Variants in TMEM232 observed in about 807,000 individuals in gnomAD.
The protein encoded by TMEM232 is transmembrane protein 232.
In TMEM232, 80 loss-of-function variants were observed where a neutral mutation model predicts 78.8. The ratio of observed to expected loss-of-function variants is 1.01; its 90% CI spans 0.85 to 1.22. TMEM232 has a LOEUF of 1.22. TMEM232 is among the 50% of genes most tolerant of loss of function. The pLI, the probability that TMEM232 is intolerant of heterozygous loss-of-function variation, is 0.00. For synonymous variants in TMEM232, 297 were observed against 254.3 expected, an observed-to-expected ratio of 1.17 and a Z score of -1.60; for missense variants, 881 against 742.2, an observed-to-expected ratio of 1.19 and a Z score of -2.17.
At chr5:110,668,771 A>C (rs1790949652) in intron 1 of TMEM232, among the ~76,000 whole-genome samples, 1 of 152,176 alleles carries the variant, frequency 6.6e-6, no homozygotes, top group Non-Finnish European at 1.5e-5. Flanking sequence ...AAATTATAAC[A>C]AACTGTCTCG....
rs965161922 is a variant in TMEM232 at position 110,424,991 on chromosome 5, A to C, written c.1704-75T>G. 133 of 1,030,444 alleles carry C rather than the reference A, an allele frequency of 1.3e-4. No homozygotes were observed. The African/African-American group carries it at 2.0e-3, about 15-fold the overall frequency. The allele number at this position is 1,030,444 out of a possible 1,614,324, so 63.8% of individuals were successfully genotyped here. On this transcript the variant is annotated intron_variant, in intron 12 of 13. Coordinates refer to ENST00000455884, the MANE Select transcript of TMEM232 (RefSeq NM_001039763.4). ...TTCCCCAGAAATAGAATTGTAACTAAGCCATAATTTATTATTAAGCATTTT... is the reference window on the plus strand; with the variant it reads ...TTCCCCAGAAATAGAATTGTAACTACGCCATAATTTATTATTAAGCATTTT...
chr5:110,731,780 C>T (rs1173419072), intron 2 of TMEM232, among the ~76,000 whole-genome samples: 1 of 152,184 alleles, frequency 6.6e-6, no homozygotes, highest in Non-Finnish European at 1.5e-5. Context: ...TGAAAGTCTC[C>T]AACATGGCCT....
intron 8 of TMEM232, among the ~76,000 whole-genome samples, chr5:110,612,287 T>C (rs148518140): frequency 3.9e-5 from 6 of 152,294 alleles, no homozygotes; most frequent in Non-Finnish European, 8.8e-5. Context: ...TTTTTCGCTG[T>C]ATGATAATGT....
rs1002721904 is a variant in TMEM232, at chr5:110,468,687, A to G, written c.1704-43771T>C. ...AAATTTACCAGTTTAATAAAATTAT[A>G]TAATCATCTTAATAGATGAATGAAC... On this transcript the variant is annotated intron_variant, in intron 12 of 13. Transcript: ENST00000455884. Among the ~76,000 whole-genome samples the G allele has an allele frequency of 3.9e-5, 6 of 152,332 alleles. No homozygotes were observed. The East Asian group carries it at 7.7e-4, about 20-fold the overall frequency.
chr5:110,477,498 T>C (rs569144696), intron 12 of TMEM232, among the ~76,000 whole-genome samples: 1 of 152,056 alleles, frequency 6.6e-6, no homozygotes, highest in East Asian at 1.9e-4. Flanking sequence ...TTATGTTTTA[T>C]CTGTCAGCAA....
intron 1 of TMEM232, among the ~76,000 whole-genome samples, chr5:110,704,902 A>G (rs1561543593): frequency 6.6e-6 from 1 of 152,070 alleles, no homozygotes; most frequent in South Asian, 2.1e-4. Flanking sequence ...GTGCCTTGTC[A>G]TAGTATTTCT....
intron 3 of TMEM232, among the ~76,000 whole-genome samples, chr5:110,392,819 C>G (rs1439439476): frequency 1.3e-5 from 2 of 152,136 alleles, no homozygotes; most frequent in Non-Finnish European, 2.9e-5. Context: ...TTTCAATGAC[C>G]TAACATGGAG....
intron 12 of TMEM232, among the ~76,000 whole-genome samples, chr5:110,482,108 G>A (rs948506436): frequency 2.6e-5 from 4 of 151,908 alleles, no homozygotes; most frequent in Admixed American, 2.0e-4. Context: ...TAACACACTA[G>A]AAGTAAAATT....
At chr5:110,705,954 G>T (rs78193419) in intron 1 of TMEM232, among the ~76,000 whole-genome samples, 4 of 151,880 alleles carry the variant, frequency 2.6e-5, no homozygotes, top group African/African-American at 9.7e-5. Context: ...GAAGGGAAAA[G>T]GAATGAGACT....
intron 12 of TMEM232, among the ~76,000 whole-genome samples, chr5:110,477,694 G>A (rs980444854): frequency 1.3e-5 from 2 of 151,432 alleles, no homozygotes; most frequent in Non-Finnish European, 3.0e-5. Context: ...TTTATAAACT[G>A]CTTACAAAAA....
chr5:110,565,612 T>C (rs1776252551), intron 11 of TMEM232, among the ~76,000 whole-genome samples: 3 of 151,904 alleles, frequency 2.0e-5, no homozygotes, highest in Non-Finnish European at 4.4e-5. Flanking sequence ...TTGTGTGGAG[T>C]TGGAATTTAA....
intron 10 of TMEM232, among the ~76,000 whole-genome samples, chr5:110,586,284 T>C (rs1778809528): frequency 6.6e-6 from 1 of 152,134 alleles, no homozygotes; most frequent in African/African-American, 2.4e-5. Flanking sequence ...TGTATAAATT[T>C]TCCAATCATA....
At chr5:110,705,907 T>C (rs1795889109) in intron 1 of TMEM232, among the ~76,000 whole-genome samples, 1 of 151,606 alleles carries the variant, frequency 6.6e-6, no homozygotes, top group South Asian at 2.1e-4. Flanking sequence ...CCCTCCAAAA[T>C]AATATATGCT....
At chr5:110,423,384 A>G (rs1446997025) in intron 13 of TMEM232, among the ~76,000 whole-genome samples, 2 of 152,150 alleles carry the variant, frequency 1.3e-5, no homozygotes, top group Non-Finnish European at 2.9e-5. Flanking sequence ...CATTTTTGTA[A>G]AGCATAAAGT....
intron 11 of TMEM232, among the ~76,000 whole-genome samples, chr5:110,553,934 T>A (rs1774762237): frequency 6.6e-6 from 1 of 152,182 alleles, no homozygotes; most frequent in African/African-American, 2.4e-5. Context: ...GATGTTGAAT[T>A]TTATTGAATG....
At chr5:110,407,579 G>C (rs1322082813) in intron 2 of TMEM232, among the ~76,000 whole-genome samples, 1 of 152,126 alleles carries the variant, frequency 6.6e-6, no homozygotes, top group Non-Finnish European at 1.5e-5. Context: ...TATAATAGTA[G>C]TATAGGGCTT....
downstream of TMEM232, among the ~76,000 whole-genome samples, chr5:110,419,047 C>T (rs1176332363): frequency 6.6e-6 from 1 of 151,940 alleles, no homozygotes; most frequent in African/African-American, 2.4e-5. Flanking sequence ...AAATTGAAAC[C>T]TTGATGGGTT....
At chr5:110,558,378 G>A (rs1036882348) in intron 11 of TMEM232, among the ~76,000 whole-genome samples, 1 of 152,154 alleles carries the variant, frequency 6.6e-6, no homozygotes, top group Non-Finnish European at 1.5e-5. Flanking sequence ...AAAAGCTGTA[G>A]GTGACAGCAT....
intron 12 of TMEM232, among the ~76,000 whole-genome samples, chr5:110,519,801 G>T (rs1269085365): frequency 6.6e-6 from 1 of 151,096 alleles, no homozygotes; most frequent in African/African-American, 2.4e-5. Context: ...AAAAATGAAT[G>T]AAATCCTGTC....
Sources: gnomAD v4.1 joint callset for allele counts (sites outside exome capture counted in the v4.1 genomes callset) on GRCh38, gnomAD v4.1.1 for gene constraint, MANE v1.5 for transcripts, NCBI Gene and HGNC (gene_info 2026-07-23, HGNC 2026-07-21) for gene names.